Variants in OSBPL10 observed in about 807,000 individuals in gnomAD.
The protein encoded by OSBPL10 is oxysterol binding protein like 10, also known as oxysterol-binding protein-related protein 10.
OSBPL10 carries 49 observed loss-of-function variants against 81.7 expected under a neutral mutation model. That is an observed-to-expected ratio of 0.60 (90% confidence interval 0.48 to 0.76). The LOEUF is 0.76. OSBPL10 is among the 30% of genes least tolerant of loss of function. The probability of loss-of-function intolerance (pLI) is 0.00; values close to 1 mark genes in which losing one functional copy is unlikely to be tolerated. For missense variants in OSBPL10, 923 were observed against 987.8 expected, an observed-to-expected ratio of 0.93 and a Z score of 0.88; for synonymous variants, 419 against 383.6, an observed-to-expected ratio of 1.09 and a Z score of -1.08.
intron 2 of OSBPL10, among the ~76,000 whole-genome samples, chr3:32,017,925 G>A (rs967532631): frequency 6.6e-6 from 1 of 152,120 alleles, no homozygotes; most frequent in Admixed American, 6.5e-5. Flanking sequence ...GAGGCAGGCA[G>A]ATCACTTGAG....
chr3:31,750,456 A>G (rs1697676484), intron 4 of OSBPL10, among the ~76,000 whole-genome samples: 2 of 152,226 alleles, frequency 1.3e-5, no homozygotes, highest in African/African-American at 4.8e-5. Flanking sequence ...GACACTCTAC[A>G]GAATACTTGA....
intron 4 of OSBPL10, among the ~76,000 whole-genome samples, chr3:31,790,262 A>G (rs1164034581): frequency 6.6e-6 from 1 of 152,210 alleles, no homozygotes; most frequent in Non-Finnish European, 1.5e-5. Context: ...CTCTGTTGGC[A>G]GGAGTTCAGG....
At chr3:31,828,899 T>C (rs1453901970) in intron 4 of OSBPL10, among the ~76,000 whole-genome samples, 1 of 152,152 alleles carries the variant, frequency 6.6e-6, no homozygotes, top group Non-Finnish European at 1.5e-5. Flanking sequence ...AAAATTCCAA[T>C]AGAATTCTGA....
chr3:31,868,606 C>T (rs1701240746), intron 3 of OSBPL10, among the ~76,000 whole-genome samples: 1 of 152,040 alleles, frequency 6.6e-6, no homozygotes, highest in South Asian at 2.1e-4. Context: ...GTGTACAAGT[C>T]ATCTCCACAA....
At chr3:31,702,598 A>G in intron 6 of OSBPL10, 90 bp from the exon 7 acceptor site, 2 of 1,547,212 alleles carry the variant, frequency 1.3e-6, no homozygotes, top group Non-Finnish European at 1.8e-6. Flanking sequence ...CAATGACAGA[A>G]GAAACCCAAT....
In OSBPL10 at chr3:31,776,310, T is replaced by A. The variant is rs145622540; in HGVS notation, c.730-28190A>T. Among the ~76,000 whole-genome samples, 24 of 151,994 alleles carry A rather than the reference T, an allele frequency of 1.6e-4. No individual in the cohort carries two copies. In the East Asian group the frequency reaches 4.2e-3, roughly 27 times the overall value. ...TGGCTGTCATTAAAAAAGGAGAAAA[T>A]TTTTAAAAGCTGGCAAGAATGTGGA... On this transcript the variant is annotated intron_variant, in intron 4 of 11. Transcript: ENST00000396556.
At chr3:31,957,577 G>A (rs72852990) in intron 1 of OSBPL10, among the ~76,000 whole-genome samples, 25,920 of 152,180 alleles carry the variant, frequency 0.17, 2,661 homozygotes, top group South Asian at 0.27. Flanking sequence ...CTTGCCATTC[G>A]TGGAGATATG....
intron 4 of OSBPL10, among the ~76,000 whole-genome samples, chr3:31,816,889 C>T (rs1267455530): frequency 6.6e-6 from 1 of 152,080 alleles, no homozygotes; most frequent in Non-Finnish European, 1.5e-5. Context: ...CCGCAACTCT[C>T]AGCAGAGAGA....
At chr3:32,007,154 C>G (rs190232898) in intron 2 of OSBPL10, among the ~76,000 whole-genome samples, 21 of 152,278 alleles carry the variant, frequency 1.4e-4, no homozygotes, top group Non-Finnish European at 7.3e-5. Context: ...AAAATATTCT[C>G]TTTAGGCATG....
intron 1 of OSBPL10, among the ~76,000 whole-genome samples, chr3:31,927,827 G>A (rs1697119396): frequency 6.6e-6 from 1 of 152,128 alleles, no homozygotes; most frequent in Non-Finnish European, 1.5e-5. Context: ...TAATTGTGGG[G>A]TTCTACCAGG....
At chr3:31,747,760 A>G (rs111844735) in intron 5 of OSBPL10, 150 bp downstream of exon 5, 3 of 779,512 alleles carry the variant, frequency 3.8e-6, no homozygotes, top group African/African-American at 3.4e-5. Flanking sequence ...TATCCCAAAC[A>G]GTAGAGACGA....
intron 1 of OSBPL10, among the ~76,000 whole-genome samples, chr3:31,897,959 G>A (rs1466034763): frequency 1.5e-5 from 2 of 130,974 alleles, no homozygotes; most frequent in South Asian, 2.6e-4. Flanking sequence ...AGTGAGCCGA[G>A]ATCATGCCAC....
At chr3:31,662,173 G>GAAGCAAGGATAACCGCAGCC in intron 11 of OSBPL10, 57 bp from the exon 12 acceptor site, 1 of 1,611,862 alleles carries the variant, frequency 6.2e-7, no homozygotes, top group South Asian at 1.1e-5. Flanking sequence ...GGGAAAAGGG[G>GAAGCAAGGATAACCGCAGCC]AAGCAAGGAT....
At chr3:31,782,325 A>G (rs1698716612) in intron 4 of OSBPL10, among the ~76,000 whole-genome samples, 2 of 152,240 alleles carry the variant, frequency 1.3e-5, no homozygotes, top group Non-Finnish European at 2.9e-5. Flanking sequence ...ACCTAAAACC[A>G]TACAAATTCT....
At chr3:31,807,185 G>A (rs1336870127) in intron 4 of OSBPL10, among the ~76,000 whole-genome samples, 1 of 151,460 alleles carries the variant, frequency 6.6e-6, no homozygotes, top group Non-Finnish European at 1.5e-5. Flanking sequence ...TTTTAGACCA[G>A]CCTGGTCAAC....
intron 4 of OSBPL10, among the ~76,000 whole-genome samples, chr3:31,809,251 G>A (rs778530556): frequency 2.6e-5 from 4 of 152,154 alleles, no homozygotes; most frequent in African/African-American, 9.7e-5. Flanking sequence ...TTAGATTTGG[G>A]GGAATACATG....
At chr3:31,905,343 T>C (rs1696373166) in intron 1 of OSBPL10, among the ~76,000 whole-genome samples, 1 of 124,388 alleles carries the variant, frequency 8.0e-6, no homozygotes, top group Non-Finnish European at 1.7e-5. Flanking sequence ...AGGAACCTGG[T>C]GATTTTTTTT....
At chr3:31,950,170 T>C (rs1697828130) in intron 1 of OSBPL10, among the ~76,000 whole-genome samples, 1 of 151,932 alleles carries the variant, frequency 6.6e-6, no homozygotes, top group Non-Finnish European at 1.5e-5. Flanking sequence ...ACAAATAAAG[T>C]AAAAAGCCAA....
intron 1 of OSBPL10, among the ~76,000 whole-genome samples, chr3:31,926,288 T>TCCCCCCCCC (rs1034706033): frequency 1.1e-5 from 1 of 88,146 alleles, no homozygotes; most frequent in Non-Finnish European, 2.2e-5. Flanking sequence ...TGGGTGATTT[T>TCCCCCCCCC]GCCCCCCCAG....
Sources: gnomAD v4.1 joint callset for allele counts (sites outside exome capture counted in the v4.1 genomes callset) on GRCh38, gnomAD v4.1.1 for gene constraint, MANE v1.5 for transcripts, NCBI Gene and HGNC (gene_info 2026-07-23, HGNC 2026-07-21) for gene names.